Variants in MAPK10 observed in about 807,000 individuals in gnomAD.
MAPK10 encodes the protein JNK3 alpha protein kinase.
Under a neutral mutation model 59.3 loss-of-function variants are expected in MAPK10, and 25 were observed. The ratio of observed to expected loss-of-function variants is 0.42; its 90% CI spans 0.31 to 0.59. The LOEUF (loss-of-function observed/expected upper bound fraction) is 0.59. MAPK10 is among the 20% of genes least tolerant of loss of function. The pLI is 0.15. For synonymous variants in MAPK10, 190 were observed against 200.5 expected, an observed-to-expected ratio of 0.95 and a Z score of 0.44; for missense variants, 351 against 568.9, an observed-to-expected ratio of 0.62 and a Z score of 3.90.
intron 1 of MAPK10, among the ~76,000 whole-genome samples, chr4:86,376,327 G>C (rs1739807615): frequency 6.6e-6 from 1 of 152,128 alleles, no homozygotes; most frequent in Non-Finnish European, 1.5e-5. Context: ...TAACATGCTG[G>C]TAATTCTGAT....
chr4:86,269,575 G>A (rs898916483), intron 2 of MAPK10, among the ~76,000 whole-genome samples: 19 of 151,906 alleles, frequency 1.3e-4, no homozygotes, highest in African/African-American at 3.9e-4. Flanking sequence ...CTACTCTCTC[G>A]CCTCTATCCA....
chr4:86,042,192 C>T (rs2041679205), intron 11 of MAPK10, among the ~76,000 whole-genome samples: 1 of 152,192 alleles, frequency 6.6e-6, no homozygotes, highest in South Asian at 2.1e-4. Context: ...TAGAAGCCAT[C>T]ATCCTCAGCA....
intron 1 of MAPK10, among the ~76,000 whole-genome samples, chr4:86,437,005 G>A (rs1330909941): frequency 6.6e-6 from 1 of 152,080 alleles, no homozygotes; most frequent in East Asian, 1.9e-4. Context: ...GAGGTCAGGA[G>A]ATCGAGACCA....
intron 1 of MAPK10, among the ~76,000 whole-genome samples, chr4:86,446,988 A>G (rs1222096285): frequency 6.6e-6 from 1 of 151,874 alleles, no homozygotes; most frequent in African/African-American, 2.4e-5. Flanking sequence ...CAGTCTTTGG[A>G]ACTCATCTTT....
chr4:86,436,000 T>A (rs1326772232), intron 1 of MAPK10, among the ~76,000 whole-genome samples: 1 of 152,202 alleles, frequency 6.6e-6, no homozygotes, highest in African/African-American at 2.4e-5. Flanking sequence ...AAAAAGGTAA[T>A]CATATTTTGT....
At chr4:86,069,242 A>G (rs1205667995) in intron 9 of MAPK10, among the ~76,000 whole-genome samples, 1 of 152,106 alleles carries the variant, frequency 6.6e-6, no homozygotes, top group East Asian at 1.9e-4. Context: ...AAATCAAACT[A>G]ATTTGCAAAT....
At chr4:86,387,530 A>G (rs1741638204) in intron 1 of MAPK10, among the ~76,000 whole-genome samples, 1 of 152,194 alleles carries the variant, frequency 6.6e-6, no homozygotes, top group African/African-American at 2.4e-5. Flanking sequence ...TTTTTCCTCA[A>G]CATCCAGGCT....
intron 3 of MAPK10, among the ~76,000 whole-genome samples, chr4:86,187,866 C>A (rs1035118562): frequency 6.6e-6 from 1 of 152,022 alleles, no homozygotes; most frequent in African/African-American, 2.4e-5. Flanking sequence ...TTTGCTGCAC[C>A]CATCAATCTG....
At chr4:86,171,404 G>C (rs2074090089) in intron 3 of MAPK10, among the ~76,000 whole-genome samples, 1 of 151,930 alleles carries the variant, frequency 6.6e-6, no homozygotes, top group Non-Finnish European at 1.5e-5. Context: ...ACAGAACAGA[G>C]CCCTCAGAAA....
chr4:86,552,466 AGGGAGGGAGGGAG>A (rs1565031627), intron 1 of MAPK10, among the ~76,000 whole-genome samples: 1 of 33,962 alleles, frequency 2.9e-5, no homozygotes, highest in African/African-American at 9.1e-5. Flanking sequence ...GGAAGGAGGG[AGGGAGGGAGGGAG>A]GGAGGGAGGG....
chr4:86,555,987 G>A (rs754920430), intron 1 of MAPK10, among the ~76,000 whole-genome samples: 1 of 152,156 alleles, frequency 6.6e-6, no homozygotes, highest in Non-Finnish European at 1.5e-5. Flanking sequence ...CTTTTAGCTA[G>A]TAAGATTATA....
intron 3 of MAPK10, among the ~76,000 whole-genome samples, chr4:86,175,431 G>A (rs151301593): frequency 3.3e-4 from 51 of 152,240 alleles, no homozygotes; most frequent in African/African-American, 1.2e-3. Context: ...CTGTGGAATT[G>A]TAATCCCCAG....
intron 4 of MAPK10, among the ~76,000 whole-genome samples, chr4:86,146,957 A>T (rs2065158905): frequency 6.6e-6 from 1 of 152,228 alleles, no homozygotes; most frequent in Non-Finnish European, 1.5e-5. Flanking sequence ...ACTATGACAT[A>T]GCCCAGTGTC....
chr4:86,553,576 G>T (rs77524663), intron 1 of MAPK10, among the ~76,000 whole-genome samples: 7,125 of 152,168 alleles, frequency 0.047, 221 homozygotes, highest in African/African-American at 0.059. Context: ...GTGGGGTCAG[G>T]GTCTCCCTGT....
At chr4:86,066,873 C>T (rs2046853048) in intron 10 of MAPK10, among the ~76,000 whole-genome samples, 1 of 149,782 alleles carries the variant, frequency 6.7e-6, no homozygotes. Flanking sequence ...TTTTAGGAAA[C>T]AATATGGGAA....
At chr4:86,050,528 G>GTTTACATATGAGAT (rs2043312173) in intron 11 of MAPK10, among the ~76,000 whole-genome samples, 1 of 152,116 alleles carries the variant, frequency 6.6e-6, no homozygotes, top group South Asian at 2.1e-4. Flanking sequence ...TGTAACTCTT[G>GTTTACATATGAGAT]GTCCTCCTCC....
chr4:86,029,314 T>A (rs1752045235), intron 12 of MAPK10, 40 bp from the exon 13 acceptor site: 1 of 1,269,534 alleles, frequency 7.9e-7, no homozygotes, highest in South Asian at 1.2e-5. Context: ...AACAAATTTA[T>A]CCTTCATCCA....
At chr4:86,330,138 T>C (rs1171390017) in intron 2 of MAPK10, among the ~76,000 whole-genome samples, 1 of 152,244 alleles carries the variant, frequency 6.6e-6, no homozygotes, top group Admixed American at 6.5e-5. Context: ...TTGTGCTGTG[T>C]CCGTTCAGAA....
intron 1 of MAPK10, among the ~76,000 whole-genome samples, chr4:86,477,224 G>A (rs1232736002): frequency 5.3e-5 from 8 of 152,074 alleles, no homozygotes; most frequent in Non-Finnish European, 1.5e-5. Context: ...CTCCATAACT[G>A]TCGTGGGTAT....
Sources: gnomAD v4.1 joint callset for allele counts (sites outside exome capture counted in the v4.1 genomes callset) on GRCh38, gnomAD v4.1.1 for gene constraint, MANE v1.5 for transcripts, NCBI Gene and HGNC (gene_info 2026-07-23, HGNC 2026-07-21) for gene names.